The following PSD3 variants were observed in gnomAD, a reference collection of about 807,000 sequenced individuals.
The protein encoded by PSD3 is pleckstrin and Sec7 domain containing 3.
PSD3 carries 49 observed loss-of-function variants against 105.5 expected under a neutral mutation model. The ratio of observed to expected loss-of-function variants is 0.46; its 90% CI spans 0.37 to 0.59. The LOEUF is 0.59. Ranked by LOEUF, PSD3 falls within the 20% of genes least tolerant of loss-of-function variation. The probability of loss-of-function intolerance (pLI) is 0.00; values close to 1 mark genes in which losing one functional copy is unlikely to be tolerated. For missense variants in PSD3, 1,561 were observed against 1,263.8 expected, an observed-to-expected ratio of 1.24 and a Z score of -3.57; for synonymous variants, 557 against 457.8, an observed-to-expected ratio of 1.22 and a Z score of -2.77.
At chr8:18,747,466 T>C (rs1483093741) in intron 9 of PSD3, among the ~76,000 whole-genome samples, 2 of 152,140 alleles carry the variant, frequency 1.3e-5, no homozygotes, top group Non-Finnish European at 2.9e-5. Flanking sequence ...AGATGCATTG[T>C]GGAAACAGGA....
intron 15 of PSD3, among the ~76,000 whole-genome samples, chr8:18,538,105 G>C (rs1007425928): frequency 1.4e-4 from 21 of 152,226 alleles, no homozygotes; most frequent in Admixed American, 6.5e-5. Flanking sequence ...AAGACGGAGA[G>C]AGCCATGTTG....
At chr8:19,082,043 A>G (rs1829661436) in intron 1 of PSD3, among the ~76,000 whole-genome samples, 1 of 152,220 alleles carries the variant, frequency 6.6e-6, no homozygotes, top group Admixed American at 6.5e-5. Flanking sequence ...GCGACAATTC[A>G]TATAGCTACA....
intron 8 of PSD3, among the ~76,000 whole-genome samples, chr8:18,767,065 G>C (rs1197731989): frequency 1.3e-5 from 2 of 152,124 alleles, no homozygotes; most frequent in Non-Finnish European, 2.9e-5. Context: ...AACAAAGGCA[G>C]TCACAGCCTC....
At chr8:18,624,707 AAAT>A (rs898905119) in intron 11 of PSD3, among the ~76,000 whole-genome samples, 5 of 150,504 alleles carry the variant, frequency 3.3e-5, no homozygotes, top group Non-Finnish European at 5.9e-5. Context: ...ATAAAAGAAA[AAAT>A]AATGAAAAAA....
At chr8:18,719,016 A>G (rs1378597914) in intron 9 of PSD3, among the ~76,000 whole-genome samples, 3 of 152,258 alleles carry the variant, frequency 2.0e-5, no homozygotes, top group African/African-American at 2.4e-5. Flanking sequence ...ATAAAGCATT[A>G]AAGAATGTAA....
chr8:18,947,546 C>T (rs947835148), intron 1 of PSD3, among the ~76,000 whole-genome samples: 3 of 152,152 alleles, frequency 2.0e-5, no homozygotes, highest in African/African-American at 7.2e-5. Context: ...GGTCAGGGAG[C>T]GGCGGCCATA....
intron 4 of PSD3, among the ~76,000 whole-genome samples, chr8:18,807,533 C>G (rs1811308711): frequency 6.6e-6 from 1 of 152,104 alleles, no homozygotes; most frequent in Non-Finnish European, 1.5e-5. Flanking sequence ...TCTACCAAAC[C>G]CATGCTGGCT....
chr8:19,070,906 A>C (rs1450668360), intron 1 of PSD3, among the ~76,000 whole-genome samples: 2 of 151,930 alleles, frequency 1.3e-5, no homozygotes, highest in Admixed American at 1.3e-4. Context: ...ATTTTCTTTA[A>C]CTCTTTTCTT....
rs536002448 is a variant in PSD3 at position 18,682,001 on chromosome 8, T to A, written c.2173-26316A>T. Among the ~76,000 whole-genome samples the A allele has an allele frequency of 3.6e-3, 500 of 137,656 alleles. 1 individual carries two copies. The highest frequency in any genetic ancestry group is 0.016 in the African/African-American group (484 of 30,922). 90.3% of individuals were successfully genotyped at this position (137,656 alleles called of 152,430 possible). A position where few individuals can be genotyped will look rare whatever the true frequency, so the allele number is the denominator to read the frequency against. On this transcript the variant is annotated intron_variant, in intron 9 of 15. Transcript: ENST00000327040. ...GTTAACTCCTGCGGCGTTTGCAATA[T>A]TCAAAAAAAAAAAAAAAAAGTGCTT...
At chr8:18,600,838 G>C (rs1441100874) in intron 11 of PSD3, among the ~76,000 whole-genome samples, 1 of 152,184 alleles carries the variant, frequency 6.6e-6, no homozygotes, top group Non-Finnish European at 1.5e-5. Flanking sequence ...ATGTACCAGA[G>C]CCTTTATAGC....
At chr8:18,552,836 G>T (rs2717727) in intron 15 of PSD3, among the ~76,000 whole-genome samples, 2 of 152,194 alleles carry the variant, frequency 1.3e-5, no homozygotes, top group Non-Finnish European at 2.9e-5. Context: ...ACATCCCTTC[G>T]CTTAGAGTTA....
At chr8:18,798,908 C>A (rs1289140519) in intron 8 of PSD3, among the ~76,000 whole-genome samples, 1 of 152,120 alleles carries the variant, frequency 6.6e-6, no homozygotes, top group Non-Finnish European at 1.5e-5. Context: ...TTATTCAACT[C>A]ACTATGGTAT....
At chr8:18,545,286 G>T (rs752143473) in intron 15 of PSD3, among the ~76,000 whole-genome samples, 57 of 151,966 alleles carry the variant, frequency 3.8e-4, no homozygotes, top group African/African-American at 1.4e-3. Flanking sequence ...TAAATTGTCC[G>T]GTTCCAAACC....
intron 13 of PSD3, among the ~76,000 whole-genome samples, chr8:18,573,701 T>C (rs1397753331): frequency 3.3e-5 from 5 of 152,098 alleles, no homozygotes; most frequent in African/African-American, 1.2e-4. Context: ...AAAGACCACA[T>C]CATATATTAG....
chr8:19,084,227 C>T (rs761878004), exon 1 of PSD3: 14 of 433,262 alleles, frequency 3.2e-5, no homozygotes, highest in Admixed American at 7.2e-5. Flanking sequence ...GAGTGGCAGG[C>T]GGGGCTGGGC....
chr8:18,713,746 C>A (rs1445614251), intron 9 of PSD3, among the ~76,000 whole-genome samples: 2 of 152,142 alleles, frequency 1.3e-5, no homozygotes, highest in Non-Finnish European at 2.9e-5. Context: ...AATCAAACTA[C>A]CATTGGCATT....
intron 9 of PSD3, among the ~76,000 whole-genome samples, chr8:18,736,687 T>C (rs1024279913): frequency 6.6e-6 from 1 of 152,036 alleles, no homozygotes; most frequent in Admixed American, 6.6e-5. Context: ...ACGGAAATAA[T>C]GGTGCACAAA....
At chr8:18,697,280 G>A (rs1801314818) in intron 9 of PSD3, among the ~76,000 whole-genome samples, 1 of 152,108 alleles carries the variant, frequency 6.6e-6, no homozygotes, top group South Asian at 2.1e-4. Context: ...CACAGGCAAG[G>A]GGGAGAGGGT....
chr8:18,572,797 A>T, intron 13 of PSD3, 125 bp from the exon 14 acceptor site: 2 of 1,098,170 alleles, frequency 1.8e-6, no homozygotes, highest in Non-Finnish European at 2.6e-6. Flanking sequence ...GGTACAACTA[A>T]TCCCTGACAA....
Sources: gnomAD v4.1 joint callset for allele counts (sites outside exome capture counted in the v4.1 genomes callset) on GRCh38, gnomAD v4.1.1 for gene constraint, MANE v1.5 for transcripts, NCBI Gene and HGNC (gene_info 2026-07-23, HGNC 2026-07-21) for gene names.